Variants in LRRC39 observed in about 807,000 individuals in gnomAD.
LRRC39 encodes leucine-rich repeat-containing protein 39.
LRRC39 carries 35 observed loss-of-function variants against 39.7 expected under a neutral mutation model. The ratio of observed to expected loss-of-function variants is 0.88; its 90% confidence interval spans 0.67 to 1.17. The LOEUF (loss-of-function observed/expected upper bound fraction) is 1.17. LRRC39 is among the 50% of genes most tolerant of loss of function. The pLI, the probability that LRRC39 is intolerant of heterozygous loss-of-function variation, is 0.00. For missense variants in LRRC39, 357 were observed against 385.8 expected (o/e 0.93, Z 0.62); for synonymous variants, 113 against 134.1 (o/e 0.84, Z 1.09).
chr1:100,155,310 G>C, intron 7 of LRRC39, 107 bp from the exon 8 acceptor site: 4 of 1,051,582 alleles, frequency 3.8e-6, no homozygotes, highest in Non-Finnish European at 5.2e-6. Flanking sequence ...TGTTGTCCAG[G>C]ATGGTCTCAA....
upstream of LRRC39, among the ~76,000 whole-genome samples, chr1:100,178,785 T>C (rs1660108822): frequency 6.6e-6 from 1 of 152,164 alleles, no homozygotes; most frequent in African/African-American, 2.4e-5. Flanking sequence ...TATATGCACA[T>C]GGAACAGAAT....
Position 100,158,353 on chromosome 1 carries a change from G to GTCTA in LRRC39, c.387_390dup (p.Leu131Ter). 6.2e-7 allele frequency: 1 copy of GTCTA among 1,613,204 alleles called. No individual in the cohort carries two copies. The highest frequency in any genetic ancestry group is 8.5e-7 in the Non-Finnish European group (1 of 1,179,230). The stretch of plus-strand genomic sequence containing the variant: ...TTGTAGCTGAGAATCAGTTCCTGAA[G>GTCTA]TCTAGTAAGCAGTCCTATAAAAAAT... On this transcript the variant is annotated stop_gained and frameshift_variant, in exon 6 of 10. Transcript: ENST00000370137. LOFTEE classifies it high-confidence loss of function.
chr1:100,149,263 A>T (rs1292004101), intron 9 of LRRC39, 166 bp from the exon 10 acceptor site: 2 of 1,515,616 alleles, frequency 1.3e-6, no homozygotes, highest in African/African-American at 2.8e-5. Context: ...TTATATGTGG[A>T]CATTTTTCCC....
In LRRC39 at chr1:100,160,591, T is replaced by C. The variant is rs181859509; in HGVS notation, c.114-20A>G. 4.0e-4 allele frequency: 632 copies of C among 1,577,058 alleles called. No individual in the cohort carries two copies. The highest frequency in any genetic ancestry group is 5.7e-4 in the Admixed American group (31 of 54,696). On this transcript the variant is annotated intron_variant, in intron 3 of 9. Transcript: ENST00000370137. The stretch of plus-strand genomic sequence containing the variant: ...ACTAGCCTAGGAAACCAGGAAATCA[T>C]TTTAGTTCATAGACAATTACATAAG...
chr1:100,156,033 T>C lies in LRRC39; in HGVS notation c.659+139A>G, dbSNP rs567702629. 3.4e-5 allele frequency: 26 copies of C among 761,150 alleles called. No homozygotes were observed. The African/African-American group carries it at 4.1e-4, about 12-fold the overall frequency. The allele number at this position is 761,150 out of a possible 1,614,324, so 47.1% of individuals were successfully genotyped here. Reference sequence around the variant, plus strand: ...TACTTACTTGGAACAAATGAAAATATTCTGTTAAAACAGTGTATTTCAAAC... The same window carrying C: ...TACTTACTTGGAACAAATGAAAATACTCTGTTAAAACAGTGTATTTCAAAC... On this transcript the variant is annotated intron_variant, in intron 7 of 9. Transcript: ENST00000370137.
At chr1:100,168,763 C>T (rs2101791753) in intron 2 of LRRC39, 169 bp from the exon 3 acceptor site, 1 of 330,728 alleles carries the variant, frequency 3.0e-6, no homozygotes, top group South Asian at 7.5e-5. Flanking sequence ...AATATAGGTA[C>T]TTTTATTGAC....
chr1:100,163,595 TAAA>T (rs11455249), intron 3 of LRRC39, among the ~76,000 whole-genome samples: 3 of 132,318 alleles, frequency 2.3e-5, no homozygotes, highest in Admixed American at 7.7e-5. Context: ...CAGCTTTTTC[TAAA>T]AAAAAAAAAA....
At chr1:100,150,418 A>C (rs945668065) in intron 9 of LRRC39, 4 of 152,230 alleles carry the variant, frequency 2.6e-5, no homozygotes, top group Non-Finnish European at 4.4e-5. Flanking sequence ...TGTGTCAAGC[A>C]ATACTAATTT....
chr1:100,163,411 G>A (rs936435855), intron 3 of LRRC39, among the ~76,000 whole-genome samples: 6 of 152,018 alleles, frequency 3.9e-5, no homozygotes, highest in East Asian at 3.8e-4. Context: ...TGTAAAGATC[G>A]CTAAATTCTT....
rs2101749942 is a variant in LRRC39, at chr1:100,148,519, A to G, written c.*523T>C. On this transcript the variant is annotated 3_prime_UTR_variant, in exon 10 of 10. Coordinates refer to ENST00000370137, the MANE Select transcript of LRRC39 (RefSeq NM_144620.4). ...GGAAGCATGGGACAAAGTACTTAGT[A>G]CATTATGGGTTAGTTAACAGTCTCT... 3 of 1,135,914 alleles carry G rather than the reference A, an allele frequency of 2.6e-6. No homozygotes were observed. The highest frequency in any genetic ancestry group is 5.0e-5 in the East Asian group (2 of 39,636). The allele number at this position is 1,135,914 out of a possible 1,614,324, so 70.4% of individuals were successfully genotyped here. A position where few individuals can be genotyped will look rare whatever the true frequency, so the allele number is the denominator to read the frequency against.
intron 7 of LRRC39, among the ~76,000 whole-genome samples, chr1:100,155,405 C>G (rs558925527): frequency 6.6e-6 from 1 of 152,066 alleles, no homozygotes; most frequent in Non-Finnish European, 1.5e-5. Context: ...GCCTTTGGTT[C>G]TTATGTTAAA....
intron 9 of LRRC39, chr1:100,150,284 T>C (rs1657852724): frequency 6.6e-6 from 1 of 152,230 alleles, no homozygotes; most frequent in African/African-American, 2.4e-5. Flanking sequence ...TTTAAGTTGT[T>C]AACTTTTTTC....
chr1:100,151,088 C>G (rs913027767), intron 9 of LRRC39, among the ~76,000 whole-genome samples: 1 of 131,608 alleles, frequency 7.6e-6, no homozygotes, highest in South Asian at 2.5e-4. Context: ...GAGATTGCAC[C>G]ATTGCACTCT....
intron 3 of LRRC39, 95 bp downstream of exon 3, chr1:100,168,309 C>A: frequency 2.2e-6 from 2 of 897,274 alleles, no homozygotes; most frequent in Non-Finnish European, 3.3e-6. Flanking sequence ...AATTCTATAT[C>A]AAATTCAATA....
chr1:100,175,861 A>C (rs1659925528), intron 1 of LRRC39, among the ~76,000 whole-genome samples: 1 of 152,236 alleles, frequency 6.6e-6, no homozygotes, highest in Non-Finnish European at 1.5e-5. Context: ...AGAATGGCTA[A>C]AATTCAAAAG....
rs1188279828 is a variant in LRRC39, at chr1:100,168,325, G to T, written c.113+79C>A. 1.6e-5 allele frequency: 16 copies of T among 978,464 alleles called. No individual in the cohort carries two copies. The East Asian group carries it at 2.5e-4, about 15-fold the overall frequency. 60.6% of individuals were successfully genotyped at this position (978,464 alleles called of 1,614,324 possible). On this transcript the variant is annotated intron_variant, in intron 3 of 9. Coordinates refer to ENST00000370137, the MANE Select transcript of LRRC39 (RefSeq NM_144620.4). ...ATTCTATATCAAATTCAATAACAAG[G>T]CATTTAGAATGCTCTTTTTTATGGT...
At chr1:100,166,150 G>A (rs1009570884) in intron 3 of LRRC39, among the ~76,000 whole-genome samples, 1 of 152,148 alleles carries the variant, frequency 6.6e-6, no homozygotes, top group African/African-American at 2.4e-5. Flanking sequence ...CCCCAGCCAT[G>A]TGGAACTGTG....
rs10593200 is a variant in LRRC39, at chr1:100,159,606, C to CTTTTTTTTTTTTT, written c.220-204_220-192dup. 1.7e-4 allele frequency among the ~76,000 whole-genome samples: 7 copies of CTTTTTTTTTTTTT among 41,294 alleles called. 1 individual carries two copies. Among genetic ancestry groups the CTTTTTTTTTTTTT allele is most frequent in the East Asian group, 1.4e-3 (2 of 1,418 alleles). The allele number at this position is 41,294 out of a possible 152,430, so 27.1% of individuals were successfully genotyped here. A position where few individuals can be genotyped will look rare whatever the true frequency, so the allele number is the denominator to read the frequency against. On this transcript the variant is annotated intron_variant, in intron 4 of 9. Coordinates refer to ENST00000370137, the MANE Select transcript of LRRC39 (RefSeq NM_144620.4). ...GATCTTTCCTTTTTTTTTTCTTTTCCTTTTTTTTTTTTTTTTTTTTTGGCT... is the reference window on the plus strand; with the variant it reads ...GATCTTTCCTTTTTTTTTTCTTTTCCTTTTTTTTTTTTTTTTTTTTTTTTTTTTTTTTTTGGCT...
chr1:100,148,780 C>A lies in LRRC39; in HGVS notation c.*262G>T. On this transcript the variant is annotated 3_prime_UTR_variant, in exon 10 of 10. Coordinates refer to ENST00000370137, the MANE Select transcript of LRRC39 (RefSeq NM_144620.4). ...TCTTTGGAAAATGTTTTGTTAACTGCTTTACCAAATCATTCTTCATCACCA... is the reference window on the plus strand; with the variant it reads ...TCTTTGGAAAATGTTTTGTTAACTGATTTACCAAATCATTCTTCATCACCA... 1 of 1,539,934 alleles carries A rather than the reference C, an allele frequency of 6.5e-7. No homozygotes were observed. Among genetic ancestry groups the A allele is most frequent in the Non-Finnish European group, 8.7e-7 (1 of 1,146,748 alleles).
Sources: gnomAD v4.1 joint callset for allele counts (sites outside exome capture counted in the v4.1 genomes callset) on GRCh38, gnomAD v4.1.1 for gene constraint, MANE v1.5 for transcripts, NCBI Gene and HGNC (gene_info 2026-07-23, HGNC 2026-07-21) for gene names.